The following TMTC1 variants were observed in gnomAD, a reference collection of about 807,000 sequenced individuals.
TMTC1 encodes the protein transmembrane O-mannosyltransferase targeting cadherins 1.
A neutral mutation model predicts 104.8 loss-of-function variants in TMTC1; 73 were observed. The ratio of observed to expected loss-of-function variants is 0.70; its 90% CI spans 0.58 to 0.85. The LOEUF (loss-of-function observed/expected upper bound fraction) is 0.85, where lower values mean the gene tolerates loss of function less well. Among genes scored for constraint, TMTC1 ranks in the 40% least tolerant of loss-of-function variants. The pLI is 0.00. For synonymous variants in TMTC1, 434 were observed against 428.7 expected (o/e 1.01, Z -0.15); for missense variants, 1,035 against 1,096.1 (o/e 0.94, Z 0.79).
intron 5 of TMTC1, among the ~76,000 whole-genome samples, chr12:29,696,997 G>A (rs888146366): frequency 2.6e-5 from 4 of 152,234 alleles, no homozygotes; most frequent in East Asian, 3.9e-4. Flanking sequence ...TTACGTGTAC[G>A]GCATCCTCAT....
intron 5 of TMTC1, among the ~76,000 whole-genome samples, chr12:29,634,657 T>C (rs1249555597): frequency 6.6e-6 from 1 of 152,212 alleles, no homozygotes; most frequent in African/African-American, 2.4e-5. Context: ...GATGAATTCA[T>C]TGTCCTCAAG....
At chr12:29,511,176 C>T (rs1943823904) in intron 17 of TMTC1, among the ~76,000 whole-genome samples, 2 of 152,162 alleles carry the variant, frequency 1.3e-5, no homozygotes, top group African/African-American at 4.8e-5. Context: ...TTATCACCAG[C>T]TAATATATTT....
chr12:29,779,868 G>A (rs1188340675), intron 1 of TMTC1, among the ~76,000 whole-genome samples: 1 of 152,012 alleles, frequency 6.6e-6, no homozygotes, highest in Non-Finnish European at 1.5e-5. Flanking sequence ...AAGACACAAA[G>A]GCACATTTAC....
chr12:29,704,488 A>C (rs1181141141), intron 5 of TMTC1, among the ~76,000 whole-genome samples: 1 of 152,204 alleles, frequency 6.6e-6, no homozygotes, highest in East Asian at 1.9e-4. Flanking sequence ...TCCACAGCTC[A>C]CAGAGATGGT....
chr12:29,503,214 A>G lies in TMTC1; in HGVS notation c.*3632T>C, dbSNP rs991742323. 1 of 152,192 alleles carries G rather than the reference A, an allele frequency of 6.6e-6. No homozygotes were observed. The highest frequency in any genetic ancestry group is 2.4e-5 in the African/African-American group (1 of 41,456). The allele number at this position is 152,192 out of a possible 1,614,324, so 9.4% of individuals were successfully genotyped here. On this transcript the variant is annotated 3_prime_UTR_variant, in exon 18 of 18. Coordinates refer to ENST00000539277, the MANE Select transcript of TMTC1 (RefSeq NM_001193451.2). The stretch of plus-strand genomic sequence containing the variant: ...CAGGAGGTTGGAATTAAAGTGCGAC[A>G]ATTCTCTTTGTTTTGTGATAGGCTT...
chr12:29,572,171 T>G lies in TMTC1; in HGVS notation c.1466A>C (p.Tyr489Ser). ...ACCTTGGTCCTTCAGGAAATTGGCA[T>G]AGTTGTAGTGAACCTTGGCATTGTG... ...LPHNAKVHYN[Y>S]ANFLKDQGRN... The change falls in exon 9 of 18, where the codon TAT (tyrosine) becomes TCT (serine). Residue 489 changes from tyrosine to serine, a missense_variant. By Grantham distance (144) the Tyr-to-Ser change is moderately radical. Transcript: ENST00000539277. The G allele has an allele frequency of 1.2e-6, 2 of 1,614,024 alleles. No individual in the cohort carries two copies. Among genetic ancestry groups the G allele is most frequent in the Admixed American group, 1.7e-5 (1 of 60,018 alleles).
chr12:29,593,944 C>T (rs1428243111), intron 7 of TMTC1, among the ~76,000 whole-genome samples: 1 of 152,212 alleles, frequency 6.6e-6, no homozygotes, highest in Non-Finnish European at 1.5e-5. Context: ...GAGAAACTGA[C>T]ATGGAAACAA....
intron 5 of TMTC1, among the ~76,000 whole-genome samples, chr12:29,742,625 G>C (rs1041587323): frequency 6.6e-6 from 1 of 152,052 alleles, no homozygotes; most frequent in African/African-American, 2.4e-5. Flanking sequence ...GTTTATTAAA[G>C]TGATGATATT....
chr12:29,710,131 C>G (rs1248006695), intron 5 of TMTC1, among the ~76,000 whole-genome samples: 1 of 152,102 alleles, frequency 6.6e-6, no homozygotes, highest in Non-Finnish European at 1.5e-5. Context: ...TTTCTGTTTT[C>G]TCGTTTGTTT....
chr12:29,633,407 T>C (rs1776997641), intron 5 of TMTC1, 71 bp from the exon 6 acceptor site: 2 of 1,290,574 alleles, frequency 1.5e-6, no homozygotes, highest in East Asian at 2.4e-5. Flanking sequence ...TCAGTCACCA[T>C]ATTTTTATTA....
intron 5 of TMTC1, among the ~76,000 whole-genome samples, chr12:29,644,049 T>G (rs1425023381): frequency 2.1e-5 from 2 of 95,626 alleles, no homozygotes; most frequent in African/African-American, 9.1e-5. Context: ...ATAATTTATA[T>G]ATAAATATAA....
At chr12:29,758,023 A>T (rs1943256754) in intron 3 of TMTC1, among the ~76,000 whole-genome samples, 1 of 152,194 alleles carries the variant, frequency 6.6e-6, no homozygotes, top group Non-Finnish European at 1.5e-5. Flanking sequence ...GTGGAGACAC[A>T]GCCAAACCAT....
At chr12:29,578,610 C>G (rs7957323) in intron 8 of TMTC1, among the ~76,000 whole-genome samples, 2 of 152,242 alleles carry the variant, frequency 1.3e-5, no homozygotes, top group Non-Finnish European at 1.5e-5. Context: ...TTTAAATCCA[C>G]GCATTTCACG....
intron 5 of TMTC1, among the ~76,000 whole-genome samples, chr12:29,713,528 G>A (rs1941996220): frequency 6.6e-6 from 1 of 151,956 alleles, no homozygotes; most frequent in African/African-American, 2.4e-5. Flanking sequence ...TTTGCAAAAT[G>A]TTTACACATT....
intron 5 of TMTC1, among the ~76,000 whole-genome samples, chr12:29,650,679 T>C (rs1284229126): frequency 1.3e-5 from 2 of 152,214 alleles, no homozygotes; most frequent in Non-Finnish European, 1.5e-5. Context: ...GTAAGTTTTC[T>C]AGCAGGGAAA....
At chr12:29,662,000 CAA>C (rs1402621100) in intron 5 of TMTC1, among the ~76,000 whole-genome samples, 1 of 152,106 alleles carries the variant, frequency 6.6e-6, no homozygotes, top group Non-Finnish European at 1.5e-5. Flanking sequence ...GAAAGGGAAT[CAA>C]GAGACGGTAT....
intron 13 of TMTC1, 116 bp downstream of exon 13, chr12:29,518,356 G>A: frequency 7.8e-7 from 1 of 1,282,558 alleles, no homozygotes; most frequent in Non-Finnish European, 1.1e-6. Flanking sequence ...TGTATCACCT[G>A]AATTGGCAAA....
chr12:29,587,599 T>C (rs564927939), intron 7 of TMTC1, among the ~76,000 whole-genome samples: 2 of 152,302 alleles, frequency 1.3e-5, no homozygotes, highest in Admixed American at 1.3e-4. Context: ...CCCGAAGTAC[T>C]GGGATTACAG....
intron 7 of TMTC1, among the ~76,000 whole-genome samples, chr12:29,588,207 G>A (rs11050308): frequency 0.44 from 66,703 of 151,966 alleles, 16,593 homozygotes; most frequent in African/African-American, 0.68. Context: ...ATTGCCACAG[G>A]TATCTTGCAA....
Sources: allele counts gnomAD v4.1 joint callset (sites outside exome capture counted in the v4.1 genomes callset), GRCh38; gene constraint gnomAD v4.1.1; transcripts MANE v1.5; gene names NCBI Gene and HGNC (gene_info 2026-07-23, HGNC 2026-07-21).